Variants in RALGAPA1 observed in about 807,000 individuals in gnomAD.
The protein encoded by RALGAPA1 is Ral GTPase activating protein catalytic subunit alpha 1.
A neutral mutation model predicts 269.6 loss-of-function variants in RALGAPA1; 52 were observed. The ratio of observed to expected loss-of-function variants is 0.19; its 90% CI spans 0.15 to 0.24. The LOEUF (loss-of-function observed/expected upper bound fraction) is 0.24. Among genes scored for constraint, RALGAPA1 ranks in the 10% least tolerant of loss-of-function variants. The pLI, the probability that RALGAPA1 is intolerant of heterozygous loss-of-function variation, is 1.00. For synonymous variants in RALGAPA1, 817 were observed against 1,008.3 expected, an observed-to-expected ratio of 0.81 and a Z score of 3.60; for missense variants, 1,917 against 3,013.9, an observed-to-expected ratio of 0.64 and a Z score of 8.52.
At chr14:35,800,593 A>AT (rs1567260610) in intron 1 of RALGAPA1, among the ~76,000 whole-genome samples, 2 of 152,324 alleles carry the variant, frequency 1.3e-5, no homozygotes, top group South Asian at 4.1e-4. Flanking sequence ...TTAGGGGAAA[A>AT]TTTTTTATCA....
intron 1 of RALGAPA1, among the ~76,000 whole-genome samples, chr14:35,782,270 T>G (rs1024269241): frequency 1.3e-5 from 2 of 152,120 alleles, no homozygotes; most frequent in Non-Finnish European, 2.9e-5. Flanking sequence ...ACAAAAGAAG[T>G]ACAAGACTTG....
At chr14:35,758,667 A>G (rs569249016) in intron 6 of RALGAPA1, among the ~76,000 whole-genome samples, 1 of 152,252 alleles carries the variant, frequency 6.6e-6, no homozygotes, top group Admixed American at 6.5e-5. Context: ...TGAGCCCAAG[A>G]GTTCAAGGCT....
At chr14:35,553,945 T>C (rs1190948914) in intron 39 of RALGAPA1, among the ~76,000 whole-genome samples, 2 of 152,238 alleles carry the variant, frequency 1.3e-5, no homozygotes, top group African/African-American at 4.8e-5. Flanking sequence ...CCTACACTCA[T>C]ATATTTCTAT....
At chr14:35,751,753 C>G (rs1359787959) in intron 8 of RALGAPA1, among the ~76,000 whole-genome samples, 1 of 151,444 alleles carries the variant, frequency 6.6e-6, no homozygotes, top group Non-Finnish European at 1.5e-5. Flanking sequence ...TGCACTCCAG[C>G]CTCCTGGGTG....
At chr14:35,638,741 A>G (rs1470018191) in intron 31 of RALGAPA1, among the ~76,000 whole-genome samples, 1 of 152,080 alleles carries the variant, frequency 6.6e-6, no homozygotes, top group Non-Finnish European at 1.5e-5. Flanking sequence ...CCTGGCCTGC[A>G]TGGTGAAATC....
rs538580487 is a variant in RALGAPA1, at chr14:35,786,511, G to A, written c.107-10766C>T. On this transcript the variant is annotated intron_variant, in intron 1 of 41. Coordinates refer to ENST00000680220, the MANE Select transcript of RALGAPA1 (RefSeq NM_001346249.2). ...AAATTAGCCGGGCGTGCTGGCAGGC[G>A]CCTGTAGTCCCAGCTACTCGGGAGG... Among the ~76,000 whole-genome samples, 14 of 151,638 alleles carry A rather than the reference G, an allele frequency of 9.2e-5. 1 individual carries two copies. In the South Asian group the frequency reaches 2.7e-3, roughly 29 times the overall value.
At chr14:35,584,439 G>C (rs2058147705) in intron 37 of RALGAPA1, among the ~76,000 whole-genome samples, 1 of 151,928 alleles carries the variant, frequency 6.6e-6, no homozygotes, top group Non-Finnish European at 1.5e-5. Flanking sequence ...TAACTTTTGT[G>C]TTTCTTGTAT....
chr14:35,589,466 G>A (rs956152173), intron 37 of RALGAPA1, among the ~76,000 whole-genome samples: 4 of 152,040 alleles, frequency 2.6e-5, no homozygotes, highest in African/African-American at 9.7e-5. Flanking sequence ...GCTTGATTTA[G>A]CTATTCCACA....
At chr14:35,599,258 A>AT (rs1471856142) in intron 36 of RALGAPA1, among the ~76,000 whole-genome samples, 4 of 152,068 alleles carry the variant, frequency 2.6e-5, no homozygotes, top group African/African-American at 4.8e-5. Context: ...GTATCTATCC[A>AT]TTTTTTTCTT....
At chr14:35,596,572 C>A (rs2058942833) in intron 36 of RALGAPA1, among the ~76,000 whole-genome samples, 1 of 152,068 alleles carries the variant, frequency 6.6e-6, no homozygotes, top group Non-Finnish European at 1.5e-5. Flanking sequence ...AAAATCCCTG[C>A]ACCATATGAA....
intron 12 of RALGAPA1, among the ~76,000 whole-genome samples, chr14:35,734,794 C>T (rs2141077259): frequency 6.6e-6 from 1 of 152,084 alleles, no homozygotes; most frequent in Admixed American, 6.5e-5. Flanking sequence ...TCTTCACAAT[C>T]TAGACATCTG....
At position 35,555,794 on chromosome 14, in the gene RALGAPA1, T is replaced by C. The variant is rs1369210705; in HGVS notation, c.7497-6560A>G. On this transcript the variant is annotated intron_variant, in intron 39 of 41. Coordinates refer to ENST00000680220, the MANE Select transcript of RALGAPA1 (RefSeq NM_001346249.2). ...CTGATGGATAGAGCTGGGACTAGAA[T>C]CTTGGTCTTTTAATTAATAGTCCAA... Among the ~76,000 whole-genome samples the C allele has an allele frequency of 2.6e-5, 4 of 152,208 alleles. No individual in the cohort carries two copies. In the East Asian group the frequency reaches 7.7e-4, roughly 29 times the overall value.
chr14:35,604,533 T>TA (rs537131404), intron 36 of RALGAPA1, among the ~76,000 whole-genome samples: 39 of 147,618 alleles, frequency 2.6e-4, no homozygotes, highest in African/African-American at 4.7e-4. Context: ...CACTGAGAAT[T>TA]AAAAAAAAAA....
At chr14:35,763,307 C>G (rs1307910133) in intron 4 of RALGAPA1, among the ~76,000 whole-genome samples, 1 of 152,116 alleles carries the variant, frequency 6.6e-6, no homozygotes, top group African/African-American at 2.4e-5. Flanking sequence ...ACACGTAGTT[C>G]CATGTTTATT....
intron 4 of RALGAPA1, among the ~76,000 whole-genome samples, chr14:35,768,458 G>C (rs1214389298): frequency 1.3e-5 from 2 of 152,048 alleles, no homozygotes; most frequent in African/African-American, 2.4e-5. Context: ...GGGAGGTTGG[G>C]GTAGGAGGAT....
rs2069667791 is a variant in RALGAPA1 at position 35,724,030 on chromosome 14, A to G, written c.1867-766T>C. On this transcript the variant is annotated intron_variant, in intron 14 of 41. Transcript: ENST00000680220. ...AAAATGAACAGAGTTTAGGTACAGAACTATAGTAACTACTGACCTCCCAAT... is the reference window on the plus strand; with the variant it reads ...AAAATGAACAGAGTTTAGGTACAGAGCTATAGTAACTACTGACCTCCCAAT... Among the ~76,000 whole-genome samples, 3 of 152,146 alleles carry G rather than the reference A, an allele frequency of 2.0e-5. No individual in the cohort carries two copies. In the South Asian group the frequency reaches 6.2e-4, roughly 31 times the overall value.
chr14:35,741,867 T>A (rs2071585151), intron 11 of RALGAPA1, among the ~76,000 whole-genome samples: 1 of 152,180 alleles, frequency 6.6e-6, no homozygotes, highest in South Asian at 2.1e-4. Context: ...GTCTTTCTTA[T>A]CACAGAATAA....
intron 33 of RALGAPA1, among the ~76,000 whole-genome samples, chr14:35,632,211 C>A (rs2061400338): frequency 6.6e-6 from 1 of 152,092 alleles, no homozygotes; most frequent in East Asian, 1.9e-4. Context: ...ACATACATAT[C>A]TCTCTTCTAC....
chr14:35,547,216 GTTATT>G, intron 41 of RALGAPA1, among the ~76,000 whole-genome samples: 1 of 152,148 alleles, frequency 6.6e-6, no homozygotes, highest in East Asian at 1.9e-4. Flanking sequence ...AATCATAAGT[GTTATT>G]TTAAACAACT....
Sources: allele counts gnomAD v4.1 joint callset (sites outside exome capture counted in the v4.1 genomes callset), GRCh38; gene constraint gnomAD v4.1.1; transcripts MANE v1.5; gene names NCBI Gene and HGNC (gene_info 2026-07-23, HGNC 2026-07-21).